PGAP3: variants seen among roughly 807,000 people sequenced by gnomAD.
The protein encoded by PGAP3 is GPI-specific phospholipase A2-like PGAP3.
PGAP3 carries 31 observed loss-of-function variants against 40.3 expected under a neutral mutation model. That is an observed-to-expected ratio of 0.77 (90% confidence interval 0.58 to 1.04). PGAP3 has a LOEUF of 1.04. PGAP3 is among the 50% of genes least tolerant of loss of function. PGAP3 has a pLI of 0.00. For missense variants in PGAP3, 413 were observed against 423.0 expected, an observed-to-expected ratio of 0.98 and a Z score of 0.21; for synonymous variants, 191 against 184.5, an observed-to-expected ratio of 1.04 and a Z score of -0.29.
intron 3 of PGAP3, among the ~76,000 whole-genome samples, chr17:39,680,688 C>T (rs941953439): frequency 3.9e-5 from 6 of 152,212 alleles, no homozygotes; most frequent in Non-Finnish European, 8.8e-5. Flanking sequence ...CACACTATCT[C>T]CCAGTTCTCC....
At chr17:39,686,952 T>G (rs188039765) in intron 1 of PGAP3, among the ~76,000 whole-genome samples, 1 of 152,176 alleles carries the variant, frequency 6.6e-6, no homozygotes, top group African/African-American at 2.4e-5. Context: ...TCCCTTCCTA[T>G]GAAAATGAAG....
chr17:39,679,743 T>C (rs1683099794), intron 3 of PGAP3, among the ~76,000 whole-genome samples: 1 of 152,158 alleles, frequency 6.6e-6, no homozygotes, highest in South Asian at 2.1e-4. Context: ...TCAGAGCCCC[T>C]AGCCCTCAGC....
chr17:39,678,067 G>A (rs1223438445), intron 3 of PGAP3, among the ~76,000 whole-genome samples: 1 of 152,232 alleles, frequency 6.6e-6, no homozygotes, highest in African/African-American at 2.4e-5. Flanking sequence ...AAGGGAGACA[G>A]AGGTGGATGC....
chr17:39,673,189 C>G lies in PGAP3; in HGVS notation c.761G>C (p.Arg254Pro), dbSNP rs759670326. The change falls in exon 7 of 8, where the codon CGC (arginine) becomes CCC (proline). Residue 254 changes from arginine to proline, a missense_variant. By Grantham distance (103) the Arg-to-Pro change is moderately radical (BLOSUM62 -2). Coordinates refer to ENST00000300658, the MANE Select transcript of PGAP3 (RefSeq NM_033419.5). ...LWNQRRLPHVRKCVVVVLLLQ... is the reference protein window; with the variant it reads ...LWNQRRLPHVPKCVVVVLLLQ... The stretch of plus-strand genomic sequence containing the variant: ...CAGCAAGACCACCACCACGCACTTG[C>G]GCACGTGAGGCAGCCGCCGCTGGTT... The G allele has an allele frequency of 6.3e-7, 1 of 1,575,366 alleles. No individual in the cohort carries two copies. Among genetic ancestry groups the G allele is most frequent in the Admixed American group, 1.9e-5 (1 of 52,962 alleles).
intron 3 of PGAP3, among the ~76,000 whole-genome samples, chr17:39,677,498 G>GT (rs1336953561): frequency 1.3e-5 from 2 of 152,172 alleles, no homozygotes; most frequent in Non-Finnish European, 2.9e-5. Flanking sequence ...CTCACTCAGA[G>GT]TTTGTCATCA....
rs2057318897 is a variant in PGAP3, at chr17:39,672,441, CAG to C, written c.*360_*361del. ...TGTGGTCCCTGGTCTCCCAGGTAGA[CAG>C]AGGGCTTCAGGACCCAGCCAGGCAG... On this transcript the variant is annotated 3_prime_UTR_variant, in exon 8 of 8. Coordinates refer to ENST00000300658, the MANE Select transcript of PGAP3 (RefSeq NM_033419.5). 2.9e-6 allele frequency: 1 copy of C among 341,972 alleles called. No individual in the cohort carries two copies. Among genetic ancestry groups the C allele is most frequent in the African/African-American group, 2.1e-5 (1 of 47,496 alleles). 21.2% of individuals were successfully genotyped at this position (341,972 alleles called of 1,614,324 possible). A position where few individuals can be genotyped will look rare whatever the true frequency, so the allele number is the denominator to read the frequency against.
chr17:39,687,962 GCC>G lies in PGAP3; in HGVS notation c.51_52del (p.Ala18GlufsTer8), dbSNP rs944660856. On this transcript the variant is annotated frameshift_variant, in exon 1 of 8. Coordinates refer to ENST00000300658, the MANE Select transcript of PGAP3 (RefSeq NM_033419.5). LOFTEE classifies it high-confidence loss of function. ...CTCACGGTCGCCCTGGGAGCCGCTC[GCC>G]AGCGCCGCTGCCCCAGCTAGCAGGA... 6 of 1,470,234 alleles carry G rather than the reference GCC, an allele frequency of 4.1e-6. No homozygotes were observed. In the African/African-American group the frequency reaches 8.5e-5, roughly 21 times the overall value. The allele number at this position is 1,470,234 out of a possible 1,614,324, so 91.1% of individuals were successfully genotyped here.
At chr17:39,684,877 C>A in intron 2 of PGAP3, 128 bp from the exon 3 acceptor site, 1 of 1,202,012 alleles carries the variant, frequency 8.3e-7, no homozygotes. Flanking sequence ...TTGGCCAAAG[C>A]CTCAGGTTCA....
At chr17:39,673,481 T>C in intron 6 of PGAP3, 33 bp downstream of exon 6, 1 of 1,613,602 alleles carries the variant, frequency 6.2e-7, no homozygotes, top group Non-Finnish European at 8.5e-7. Flanking sequence ...AGCTAGCACT[T>C]CTGCAGATGG....
chr17:39,675,919 G>A (rs575785719), intron 3 of PGAP3, among the ~76,000 whole-genome samples: 4 of 152,240 alleles, frequency 2.6e-5, no homozygotes, highest in Non-Finnish European at 5.9e-5. Flanking sequence ...AAAGGGCCCT[G>A]CCCTTCTCAG....
At chr17:39,676,496 A>C (rs2057377180) in intron 3 of PGAP3, 1 of 152,252 alleles carries the variant, frequency 6.6e-6, no homozygotes, top group African/African-American at 2.4e-5. Context: ...TCCCCTCTCC[A>C]ACCGCCTCCC....
chr17:39,679,964 T>A (rs1418063109), intron 3 of PGAP3, among the ~76,000 whole-genome samples: 1 of 152,102 alleles, frequency 6.6e-6, no homozygotes, highest in Admixed American at 6.5e-5. Flanking sequence ...ACTTCCCCAG[T>A]TAGAGGACGC....
At chr17:39,674,710 C>T (rs1382989939) in intron 3 of PGAP3, 31 bp from the exon 4 acceptor site, 1 of 1,536,334 alleles carries the variant, frequency 6.5e-7, no homozygotes, top group Non-Finnish European at 8.8e-7. Context: ...GAGCATGCTG[C>T]CCCCCACCCT....
At chr17:39,684,253 A>G (rs2057479397) in intron 3 of PGAP3, among the ~76,000 whole-genome samples, 1 of 151,982 alleles carries the variant, frequency 6.6e-6, no homozygotes, top group South Asian at 2.1e-4. Context: ...GCCCTTGGAA[A>G]GACCTGTGGT....
At chr17:39,678,709 C>T (rs923672351) in intron 3 of PGAP3, among the ~76,000 whole-genome samples, 4 of 152,172 alleles carry the variant, frequency 2.6e-5, no homozygotes, top group Non-Finnish European at 4.4e-5. Context: ...CTGCCGCACC[C>T]TCCATACAGC....
At chr17:39,674,473 C>G in intron 4 of PGAP3, 144 bp downstream of exon 4, 1 of 844,024 alleles carries the variant, frequency 1.2e-6, no homozygotes, top group Non-Finnish European at 1.8e-6. Context: ...GGATCAAGGG[C>G]ACCAACAGGT....
intron 1 of PGAP3, among the ~76,000 whole-genome samples, chr17:39,686,468 GT>G (rs1235985350): frequency 6.6e-6 from 1 of 151,600 alleles, no homozygotes; most frequent in African/African-American, 2.4e-5. Flanking sequence ...GTTGGTCAGG[GT>G]GGTCTTGAAC....
Position 39,672,560 on chromosome 17 carries a change from C to T in PGAP3, c.*243G>A. Reference sequence around the variant, plus strand: ...CACACTCAGTTCCACCCCAGTTCAGCTCCAGGAGGTAGAGGGGCTGCCCAC... The same window carrying T: ...CACACTCAGTTCCACCCCAGTTCAGTTCCAGGAGGTAGAGGGGCTGCCCAC... On this transcript the variant is annotated 3_prime_UTR_variant, in exon 8 of 8. Coordinates refer to ENST00000300658, the MANE Select transcript of PGAP3 (RefSeq NM_033419.5). 1 of 581,144 alleles carries T rather than the reference C, an allele frequency of 1.7e-6. No homozygotes were observed. Among genetic ancestry groups the T allele is most frequent in the African/African-American group, 1.9e-5 (1 of 53,532 alleles). The allele number at this position is 581,144 out of a possible 1,614,324, so 36.0% of individuals were successfully genotyped here. A position where few individuals can be genotyped will look rare whatever the true frequency, so the allele number is the denominator to read the frequency against.
Position 39,686,007 on chromosome 17 carries a change from C to T in PGAP3, c.194G>A (p.Arg65Gln), listed in dbSNP as rs760427744. 1.4e-5 allele frequency: 23 copies of T among 1,612,538 alleles called. No homozygotes were observed. Among genetic ancestry groups the T allele is most frequent in the East Asian group, 6.7e-5 (3 of 44,788 alleles). ...CATACACTCATACTTACAGTCGTCC[C>T]GACAGGTCCAGCCTGAAACAGACAA... is the stretch of plus-strand genomic sequence containing the variant. ...IYMSLAGWTC[R>Q]DDCKYECMWV... Residue 65 changes from arginine (R) to glutamine (Q), a missense_variant, in exon 2 of 8, where the codon CGG (arginine) becomes CAG (glutamine). Physicochemically the swap from Arg to Gln is conservative, Grantham distance 43. Coordinates refer to ENST00000300658, the MANE Select transcript of PGAP3 (RefSeq NM_033419.5).
Sources: allele counts gnomAD v4.1 joint callset (sites outside exome capture counted in the v4.1 genomes callset), GRCh38; gene constraint gnomAD v4.1.1; transcripts MANE v1.5; gene names NCBI Gene and HGNC (gene_info 2026-07-23, HGNC 2026-07-21).